Variants in GPRASP1 observed in about 807,000 individuals in gnomAD.
GPRASP1 encodes G protein-coupled receptor-associated sorting protein 1.
In GPRASP1, 28 loss-of-function variants were observed where a neutral mutation model predicts 68.4. The observed-to-expected ratio is 0.41, with a 90% CI of 0.30 to 0.56. The LOEUF is 0.56. Ranked by LOEUF, GPRASP1 falls within the 20% of genes least tolerant of loss-of-function variation. GPRASP1 has a pLI of 0.29. For synonymous variants in GPRASP1, 304 were observed against 358.2 expected, an observed-to-expected ratio of 0.85 and a Z score of 1.71; for missense variants, 913 against 1,031.5, an observed-to-expected ratio of 0.89 and a Z score of 1.57.
In GPRASP1 at chrX:102,655,362, C is replaced by T; in HGVS notation, c.1449C>T (p.Ala483=). 1 of 1,211,166 alleles carries T rather than the reference C, an allele frequency of 8.3e-7. No individual in the cohort carries two copies. The highest frequency in any genetic ancestry group is 1.1e-6 in the Non-Finnish European group (1 of 895,047). The change falls in exon 6 of 6, where the codon GCC becomes GCT. Residue 483 remains alanine, a synonymous_variant. Transcript: ENST00000537097. ...CCAGTATGAAAACTGGGGCTGAGGC[C>T]ACCTCTGAATCTATACTAGCAGCTG... ...EKTSMKTGAE[A]TSESILAADD...
rs1323101525 is a variant in GPRASP1, at chrX:102,655,354, G to T, written c.1441G>T (p.Ala481Ser). ...GGAAAAGACCAGTATGAAAACTGGG[G>T]CTGAGGCCACCTCTGAATCTATACT... is the stretch of plus-strand genomic sequence containing the variant. ...AREKTSMKTGAEATSESILAA... is the reference protein window; with the variant it reads ...AREKTSMKTGSEATSESILAA... Residue 481 changes from alanine to serine, a missense_variant, in exon 6 of 6, where the codon GCT becomes TCT. Physicochemically the swap from Ala to Ser is moderately conservative, Grantham distance 99 (BLOSUM62 1). Coordinates refer to ENST00000537097, the MANE Select transcript of GPRASP1 (RefSeq NM_001184727.2). 2.5e-6 allele frequency: 3 copies of T among 1,211,372 alleles called. No individual in the cohort carries two copies. In the Admixed American group the frequency reaches 6.5e-5, roughly 26 times the overall value.
In GPRASP1 at chrX:102,656,934, G is replaced by T; in HGVS notation, c.3021G>T (p.Trp1007Cys). 2 of 1,211,007 alleles carry T rather than the reference G, an allele frequency of 1.7e-6. No individual in the cohort carries two copies. The highest frequency in any genetic ancestry group is 2.2e-6 in the Non-Finnish European group (2 of 895,032). Residue 1007 changes from tryptophan (W) to cysteine (C), a missense_variant, in exon 6 of 6, where the codon TGG (tryptophan) becomes TGT (cysteine). Physicochemically the swap from Trp to Cys is radical, Grantham distance 215. Transcript: ENST00000537097. ...AGGCCATAGTGGGGTCCTGGTTCTGGGCAGGAGATGAGGCCCATTTTGAAT... is the reference window on the plus strand; with the variant it reads ...AGGCCATAGTGGGGTCCTGGTTCTGTGCAGGAGATGAGGCCCATTTTGAAT... ...EDEAIVGSWF[W>C]AGDEAHFESN...
chrX:102,658,927 G>C lies in GPRASP1; in HGVS notation c.*826G>C, dbSNP rs920363598. On this transcript the variant is annotated 3_prime_UTR_variant, in exon 6 of 6. Transcript: ENST00000537097. ...TTTAATCATGATGGTACCATGGTAA[G>C]TGTTAAGGCAACATCATACAGCCAT... The C allele has an allele frequency of 2.4e-5, 3 of 122,896 alleles. No individual in the cohort carries two copies. Among genetic ancestry groups the C allele is most frequent in the African/African-American group, 9.8e-5 (3 of 30,684 alleles). The allele number at this position is 122,896 out of a possible 1,213,427, so 10.1% of individuals were successfully genotyped here.
At position 102,655,353 on chromosome X, in the gene GPRASP1, G is replaced by C; in HGVS notation, c.1440G>C (p.Gly480=). The change falls in exon 6 of 6, where the codon GGG becomes GGC. Residue 480 remains glycine (G), a synonymous_variant. Transcript: ENST00000537097. ...GAREKTSMKT[G]AEATSESILA... ...GGGAAAAGACCAGTATGAAAACTGGGGCTGAGGCCACCTCTGAATCTATAC... is the reference window on the plus strand; with the variant it reads ...GGGAAAAGACCAGTATGAAAACTGGCGCTGAGGCCACCTCTGAATCTATAC... The C allele has an allele frequency of 8.3e-7, 1 of 1,211,278 alleles. No homozygotes were observed. Among genetic ancestry groups the C allele is most frequent in the Non-Finnish European group, 1.1e-6 (1 of 894,963 alleles).
Position 102,658,564 on chromosome X carries a change from A to G in GPRASP1, c.*463A>G, listed in dbSNP as rs1297168061. 1 of 122,404 alleles carries G rather than the reference A, an allele frequency of 8.2e-6. No individual in the cohort carries two copies. Among genetic ancestry groups the G allele is most frequent in the African/African-American group, 3.3e-5 (1 of 30,476 alleles). The allele number at this position is 122,404 out of a possible 1,213,427, so 10.1% of individuals were successfully genotyped here. Reference sequence around the variant, plus strand: ...TGTTCCTTTCAAAAGTTTTTTTCTCAGCTTTAAACGCAAAAATTACCAGGG... The same window carrying G: ...TGTTCCTTTCAAAAGTTTTTTTCTCGGCTTTAAACGCAAAAATTACCAGGG... On this transcript the variant is annotated 3_prime_UTR_variant, in exon 6 of 6. Coordinates refer to ENST00000537097, the MANE Select transcript of GPRASP1 (RefSeq NM_001184727.2).
At position 102,657,628 on chromosome X, in the gene GPRASP1, A is replaced by C. The variant is rs377120948; in HGVS notation, c.3715A>C (p.Lys1239Gln). 2.7e-5 allele frequency: 33 copies of C among 1,209,217 alleles called. No individual in the cohort carries two copies. The African/African-American group carries it at 4.7e-4, about 17-fold the overall frequency. The part of the protein sequence containing the change: ...NLNIIQTYIC[K>Q]VCEETLAYSV... ...AAACATAATTCAGACATACATATGT[A>C]AAGTGTGTGAGGAAACCCTTGCTTA... Residue 1239 changes from lysine (K) to glutamine (Q), a missense_variant, in exon 6 of 6, where the codon AAA (lysine) becomes CAA (glutamine). Transcript: ENST00000537097.
Position 102,658,298 on chromosome X carries a change from A to G in GPRASP1, c.*197A>G. 2.6e-6 allele frequency: 1 copy of G among 387,241 alleles called. No individual in the cohort carries two copies. The highest frequency in any genetic ancestry group is 6.4e-5 in the South Asian group (1 of 15,532). The allele number at this position is 387,241 out of a possible 1,213,427, so 31.9% of individuals were successfully genotyped here. A position where few individuals can be genotyped will look rare whatever the true frequency, so the allele number is the denominator to read the frequency against. On this transcript the variant is annotated 3_prime_UTR_variant, in exon 6 of 6. Transcript: ENST00000537097. ...ATTAGAGCTGAAAACACATTTGTTG[A>G]TATTTGTCTTGTCCACATTGTGATG...
Position 102,653,967 on chromosome X carries a change from T to C in GPRASP1, c.54T>C (p.Pro18=), listed in dbSNP as rs2081380776. 8.3e-7 allele frequency: 1 copy of C among 1,209,906 alleles called. No homozygotes were observed. Among genetic ancestry groups the C allele is most frequent in the Non-Finnish European group, 1.1e-6 (1 of 895,013 alleles). ...CCCAGGTCAAGCCTGAAAAGAAGCC[T>C]GGGGAAGAGGTTGTAGGTGGGGCTG... is the stretch of plus-strand genomic sequence containing the variant. ...SGAQVKPEKK[P]GEEVVGGAEI... Residue 18 remains proline, a synonymous_variant, in exon 6 of 6, where the codon CCT becomes CCC. Coordinates refer to ENST00000537097, the MANE Select transcript of GPRASP1 (RefSeq NM_001184727.2).
rs2081402225 is a variant in GPRASP1, at chrX:102,655,632, A to G, written c.1719A>G (p.Gly573=). 4 of 1,209,424 alleles carry G rather than the reference A, an allele frequency of 3.3e-6. No individual in the cohort carries two copies. Among genetic ancestry groups the G allele is most frequent in the Non-Finnish European group, 4.5e-6 (4 of 895,104 alleles). ...EAGIGEEARP[G]AEEETIFGSW... ...GAATCGGAGAAGAGGCCAGGCCAGG[A>G]GCTGAAGAAGAGACAATATTCGGGT... The change falls in exon 6 of 6, where the codon GGA becomes GGG. Residue 573 remains glycine, a synonymous_variant. Transcript: ENST00000537097.
Position 102,656,989 on chromosome X carries a change from T to G in GPRASP1, c.3076T>G (p.Cys1026Gly), listed in dbSNP as rs2081418533. The G allele has an allele frequency of 5.8e-6, 7 of 1,211,237 alleles. No individual in the cohort carries two copies. The East Asian group carries it at 2.1e-4, about 36-fold the overall frequency. Residue 1026 changes from cysteine (C) to glycine (G), a missense_variant, in exon 6 of 6, where the codon TGC becomes GGC. Coordinates refer to ENST00000537097, the MANE Select transcript of GPRASP1 (RefSeq NM_001184727.2). ...SNPSPVFRAICRSTCSVEQEP... is the reference protein window; with the variant it reads ...SNPSPVFRAIGRSTCSVEQEP... ...TCCTAGCCCCGTGTTCAGGGCCATTTGCAGGTCCACGTGTTCAGTTGAACA... is the reference window on the plus strand; with the variant it reads ...TCCTAGCCCCGTGTTCAGGGCCATTGGCAGGTCCACGTGTTCAGTTGAACA...
Position 102,655,566 on chromosome X carries a change from T to C in GPRASP1, c.1653T>C (p.Gly551=). The C allele has an allele frequency of 8.3e-7, 1 of 1,210,822 alleles. No individual in the cohort carries two copies. Among genetic ancestry groups the C allele is most frequent in the Non-Finnish European group, 1.1e-6 (1 of 894,989 alleles). Residue 551 remains glycine (G), a synonymous_variant, in exon 6 of 6, where the codon GGT becomes GGC. Coordinates refer to ENST00000537097, the MANE Select transcript of GPRASP1 (RefSeq NM_001184727.2). ...GGTCTGAGGAAGAAGAGGTCATTGG[T>C]CCCTGGTTTTGGTCTGGAGAACAAG... is the stretch of plus-strand genomic sequence containing the variant. The part of the protein sequence containing the change: ...RTRSEEEEVI[G]PWFWSGEQVD...
Position 102,656,078 on chromosome X carries a change from C to T in GPRASP1, c.2165C>T (p.Ser722Phe). ...KYTKPEAIIG[S>F]WLWATEESNI... ...ACAAAGCCAGAGGCCATTATAGGGT[C>T]CTGGTTATGGGCTACAGAAGAGAGT... The change falls in exon 6 of 6, where the codon TCC becomes TTC. Residue 722 changes from serine to phenylalanine, a missense_variant. Ser to Phe is a radical substitution (Grantham distance 155, BLOSUM62 -2). Coordinates refer to ENST00000537097, the MANE Select transcript of GPRASP1 (RefSeq NM_001184727.2). 8.3e-7 allele frequency: 1 copy of T among 1,210,772 alleles called. No homozygotes were observed. The highest frequency in any genetic ancestry group is 1.1e-6 in the Non-Finnish European group (1 of 894,725).
At position 102,654,649 on chromosome X, in the gene GPRASP1, T is replaced by C; in HGVS notation, c.736T>C (p.Tyr246His). 2 of 1,210,648 alleles carry C rather than the reference T, an allele frequency of 1.7e-6. No homozygotes were observed. The highest frequency in any genetic ancestry group is 2.2e-6 in the Non-Finnish European group (2 of 894,280). The change falls in exon 6 of 6, where the codon TAT (tyrosine) becomes CAT (histidine). Residue 246 changes from tyrosine (Y) to histidine (H), a missense_variant. By Grantham distance (83) the Tyr-to-His change is moderately conservative (BLOSUM62 2). Transcript: ENST00000537097. ...TAGGTCCCAAACTAACCAGGAGCTC[T>C]ATATTGCATCTAGTTCTGGTTCTGA... Reference protein sequence around the residue: ...MSRSQTNQELYIASSSGSEDE... With the variant: ...MSRSQTNQELHIASSSGSEDE...
chrX:102,654,902 G>C lies in GPRASP1; in HGVS notation c.989G>C (p.Arg330Thr). 4 of 1,211,945 alleles carry C rather than the reference G, an allele frequency of 3.3e-6. No homozygotes were observed. The highest frequency in any genetic ancestry group is 4.5e-6 in the Non-Finnish European group (4 of 895,269). ...KMRAGKEANN[R>T]ARHRAKREAC... is the part of the protein sequence containing the mutation. Reference sequence around the variant, plus strand: ...AGAGCTGGGAAGGAGGCCAATAACAGGGCCAGGCACAGGGCCAAGCGAGAA... The same window carrying C: ...AGAGCTGGGAAGGAGGCCAATAACACGGCCAGGCACAGGGCCAAGCGAGAA... The change falls in exon 6 of 6, where the codon AGG becomes ACG. Residue 330 changes from arginine to threonine, a missense_variant. Coordinates refer to ENST00000537097, the MANE Select transcript of GPRASP1 (RefSeq NM_001184727.2).
chrX:102,654,346 G>A lies in GPRASP1; in HGVS notation c.433G>A (p.Asp145Asn). ...LSEDRELVNT[D>N]TESFPRRKAH... ...TGAGGATAGAGAACTGGTTAATACA[G>A]ACACTGAGAGCTTTCCTAGAAGGAA... The change falls in exon 6 of 6, where the codon GAC (aspartate) becomes AAC (asparagine). Residue 145 changes from aspartate (D) to asparagine (N), a missense_variant. Physicochemically the swap from Asp to Asn is conservative, Grantham distance 23. Transcript: ENST00000537097. The A allele has an allele frequency of 8.3e-7, 1 of 1,211,075 alleles. No homozygotes were observed. The highest frequency in any genetic ancestry group is 1.1e-6 in the Non-Finnish European group (1 of 894,784).
intron 5 of GPRASP1, 90 bp downstream of exon 5, chrX:102,653,388 G>A (rs2081373986): frequency 8.7e-6 from 1 of 114,523 alleles, no homozygotes; most frequent in African/African-American, 3.3e-5. Context: ...GGGACTTCTT[G>A]GCCCCTCCCA....
chrX:102,656,296 G>C lies in GPRASP1; in HGVS notation c.2383G>C (p.Ala795Pro), dbSNP rs2081411088. ...AGEEDRLEPAAETREEDRLAA... is the reference protein window; with the variant it reads ...AGEEDRLEPAPETREEDRLAA... Reference sequence around the variant, plus strand: ...AGAAGAGGACAGACTAGAGCCAGCTGCTGAGACTAGAGAAGAAGACAGGCT... The same window carrying C: ...AGAAGAGGACAGACTAGAGCCAGCTCCTGAGACTAGAGAAGAAGACAGGCT... Residue 795 changes from alanine (A) to proline (P), a missense_variant, in exon 6 of 6, where the codon GCT (alanine) becomes CCT (proline). By Grantham distance (27) the Ala-to-Pro change is conservative (BLOSUM62 -1). Transcript: ENST00000537097. 2 of 1,199,165 alleles carry C rather than the reference G, an allele frequency of 1.7e-6. No homozygotes were observed. Among genetic ancestry groups the C allele is most frequent in the Non-Finnish European group, 2.2e-6 (2 of 890,875 alleles).
chrX:102,655,166 C>T lies in GPRASP1; in HGVS notation c.1253C>T (p.Ala418Val). ...WFWATDESSM[A>V]DEASIESSLQ... is the part of the protein sequence containing the mutation. ...TGGGCTACAGACGAGTCCAGCATGG[C>T]AGATGAAGCCAGCATAGAGTCCAGT... The change falls in exon 6 of 6, where the codon GCA becomes GTA. Residue 418 changes from alanine (A) to valine (V), a missense_variant. By Grantham distance (64) the Ala-to-Val change is moderately conservative. Coordinates refer to ENST00000537097, the MANE Select transcript of GPRASP1 (RefSeq NM_001184727.2). The T allele has an allele frequency of 8.3e-7, 1 of 1,211,477 alleles. No homozygotes were observed. The highest frequency in any genetic ancestry group is 1.8e-5 in the South Asian group (1 of 56,974).
rs753112472 is a variant in GPRASP1, at chrX:102,655,300, C to A, written c.1387C>A (p.Arg463Ser). ...SKSRPRTDGE[R>S]IGDSLFGARE... ...ATCCAGACCAAGGACTGATGGGGAG[C>A]GTATTGGTGATTCCTTATTTGGGGC... Residue 463 changes from arginine (R) to serine (S), a missense_variant, in exon 6 of 6, where the codon CGT (arginine) becomes AGT (serine). Physicochemically the swap from Arg to Ser is moderately radical, Grantham distance 110 (BLOSUM62 -1). Coordinates refer to ENST00000537097, the MANE Select transcript of GPRASP1 (RefSeq NM_001184727.2). The A allele has an allele frequency of 1.7e-6, 2 of 1,209,831 alleles. No individual in the cohort carries two copies. The highest frequency in any genetic ancestry group is 4.4e-5 in the Admixed American group (2 of 45,828).
Sources: allele counts gnomAD v4.1 joint callset, GRCh38; gene constraint gnomAD v4.1.1; transcripts MANE v1.5; gene names NCBI Gene and HGNC (gene_info 2026-07-23, HGNC 2026-07-21).